The following ZNF330 variants were observed in gnomAD, a reference collection of about 807,000 sequenced individuals.
ZNF330 encodes zinc finger protein 330.
Under a neutral mutation model 45.5 loss-of-function variants are expected in ZNF330, and 31 were observed. That is an observed-to-expected ratio of 0.68 (90% CI 0.51 to 0.92). The LOEUF (loss-of-function observed/expected upper bound fraction) is 0.92. ZNF330 is among the 40% of genes least tolerant of loss of function. ZNF330 has a pLI of 0.00. For missense variants in ZNF330, 356 were observed against 387.4 expected (o/e 0.92, Z 0.68); for synonymous variants, 138 against 123.2 (o/e 1.12, Z -0.79).
At chr4:141,227,329 C>T (rs1355964595) in intron 5 of ZNF330, among the ~76,000 whole-genome samples, 1 of 151,946 alleles carries the variant, frequency 6.6e-6, no homozygotes, top group Non-Finnish European at 1.5e-5. Context: ...TGATGTTCCC[C>T]TTCCTGTGTC....
rs776015471 is a variant in ZNF330 at position 141,226,830 on chromosome 4, C to G, written c.275C>G (p.Thr92Ser). 2 of 1,612,196 alleles carry G rather than the reference C, an allele frequency of 1.2e-6. No individual in the cohort carries two copies. Among genetic ancestry groups the G allele is most frequent in the Non-Finnish European group, 1.7e-6 (2 of 1,178,910 alleles). ...ATAAAGCATGCTGGTGTATACAGTA[C>G]TGGCCTTGCAATGGTGGTAAGCTTC... Reference protein sequence around the residue: ...CVIKHAGVYSTGLAMVGAICD... With the variant: ...CVIKHAGVYSSGLAMVGAICD... Residue 92 changes from threonine (T) to serine (S), a missense_variant, in exon 5 of 10, where the codon ACT (threonine) becomes AGT (serine). Physicochemically the swap from Thr to Ser is moderately conservative, Grantham distance 58. Transcript: ENST00000262990.
intron 8 of ZNF330, among the ~76,000 whole-genome samples, chr4:141,232,189 C>T (rs1435134): frequency 0.32 from 49,028 of 151,900 alleles, 8,974 homozygotes; most frequent in East Asian, 0.61. Flanking sequence ...TCACTGTCTC[C>T]ATCCCTAGTT....
chr4:141,222,322 C>A, intron 1 of ZNF330, 44 bp from the exon 2 acceptor site: 1 of 1,587,554 alleles, frequency 6.3e-7, no homozygotes, highest in Non-Finnish European at 8.6e-7. Context: ...ATAGTAAATG[C>A]AGTCAGTCAA....
intron 6 of ZNF330, 133 bp downstream of exon 6, chr4:141,229,830 GTAGT>G: frequency 8.4e-7 from 1 of 1,194,264 alleles, no homozygotes; most frequent in Non-Finnish European, 1.2e-6. Flanking sequence ...GATTATCAGT[GTAGT>G]TAGAGAAGGG....
chr4:141,223,179 CTG>C (rs1238596818), intron 2 of ZNF330, among the ~76,000 whole-genome samples: 3 of 152,156 alleles, frequency 2.0e-5, no homozygotes, highest in Non-Finnish European at 2.9e-5. Flanking sequence ...ATTTCAGACA[CTG>C]TGGGTAGTGA....
Position 141,231,443 on chromosome 4 carries a change from T to A in ZNF330, c.528T>A (p.Val176=). ...AAATTAATCTATTTCCCACAGGTGT[T>A]TCATGCAATCGGCTTGGTCAGCACT... ...QVLEAETFKC[V]SCNRLGQHSC... Residue 176 remains valine, a synonymous_variant, in exon 8 of 10, where the codon GTT becomes GTA. Transcript: ENST00000262990. The A allele has an allele frequency of 6.3e-7, 1 of 1,597,286 alleles. No homozygotes were observed. The highest frequency in any genetic ancestry group is 8.5e-7 in the Non-Finnish European group (1 of 1,174,022).
rs1448769217 is a variant in ZNF330, at chr4:141,222,402, A to G, written c.31A>G (p.Lys11Glu). 1.9e-6 allele frequency: 3 copies of G among 1,613,670 alleles called. No individual in the cohort carries two copies. ...TAAAAAAAAGACTGGTGCGAGGAAG[A>G]AGGCTGAGAACCGCCGAGAACGTGA... is the stretch of plus-strand genomic sequence containing the variant. MPKKKTGARK[K>E]AENRREREKQ... The change falls in exon 2 of 10, where the codon AAG (lysine) becomes GAG (glutamate). Residue 11 changes from lysine to glutamate, a missense_variant. Transcript: ENST00000262990.
At position 141,233,977 on chromosome 4, in the gene ZNF330, A is replaced by G. The variant is rs1255027786; in HGVS notation, c.951A>G (p.Glu317=). 7 of 1,612,270 alleles carry G rather than the reference A, an allele frequency of 4.3e-6. No individual in the cohort carries two copies. The highest frequency in any genetic ancestry group is 1.7e-4 in the Middle Eastern group (1 of 6,040). Residue 317 remains glutamate (E), a synonymous_variant, in exon 10 of 10, where the codon GAA becomes GAG. Coordinates refer to ENST00000262990, the MANE Select transcript of ZNF330 (RefSeq NM_014487.6). ...CTAGTGGCTATGCTCACTATGAGGA[A>G]CAAGAGAACTAGGGGAGCTGCTCTG... ...TYASGYAHYE[E]QEN is the part of the protein sequence containing the mutation.
At chr4:141,230,472 G>A (rs1728922654) in intron 7 of ZNF330, among the ~76,000 whole-genome samples, 3 of 152,048 alleles carry the variant, frequency 2.0e-5, no homozygotes, top group South Asian at 2.1e-4. Flanking sequence ...GTGGCATATT[G>A]GTTGGGCCAG....
chr4:141,228,458 C>T (rs984761205), intron 5 of ZNF330, among the ~76,000 whole-genome samples: 9 of 152,142 alleles, frequency 5.9e-5, no homozygotes, highest in African/African-American at 1.9e-4. Flanking sequence ...CATCTCACTC[C>T]GTACCAGGTT....
At chr4:141,224,704 T>C (rs746262455) in intron 4 of ZNF330, 27 bp downstream of exon 4, 5 of 1,596,804 alleles carry the variant, frequency 3.1e-6, no homozygotes, top group East Asian at 2.2e-5. Flanking sequence ...TAAGGACATA[T>C]GCTTTTTATC....
Position 141,222,351 on chromosome 4 carries a change from C to A in ZNF330, c.-6-15C>A. 1.2e-6 allele frequency: 2 copies of A among 1,610,034 alleles called. No homozygotes were observed. Among genetic ancestry groups the A allele is most frequent in the South Asian group, 2.2e-5 (2 of 90,628 alleles). On this transcript the variant is annotated splice_polypyrimidine_tract_variant and intron_variant, in intron 1 of 9. Coordinates refer to ENST00000262990, the MANE Select transcript of ZNF330 (RefSeq NM_014487.6). ...CAGTCAATTATATCTTTTCTGTTCT[C>A]TTGTGTCAAAATAGGGGAAAATGCC...
intron 2 of ZNF330, 79 bp downstream of exon 2, chr4:141,222,570 T>G: frequency 2.7e-6 from 4 of 1,470,934 alleles, no homozygotes; most frequent in East Asian, 4.6e-5. Flanking sequence ...GAATAAAATT[T>G]TAGTGAAGAC....
Position 141,230,148 on chromosome 4 carries a change from G to GT in ZNF330, c.419-11dup. On this transcript the variant is annotated splice_polypyrimidine_tract_variant and intron_variant, in intron 6 of 9. Transcript: ENST00000262990. ...TAAAGTTTATCTTAATTACATTTGT[G>GT]TTTTTTTAATCCAATAGGAGGCAGA... is the stretch of plus-strand genomic sequence containing the variant. 14 of 1,527,742 alleles carry GT rather than the reference G, an allele frequency of 9.2e-6. No homozygotes were observed. The highest frequency in any genetic ancestry group is 1.4e-5 in the African/African-American group (1 of 72,242). 94.6% of individuals were successfully genotyped at this position (1,527,742 alleles called of 1,614,324 possible). A position where few individuals can be genotyped will look rare whatever the true frequency, so the allele number is the denominator to read the frequency against.
At chr4:141,225,192 AGTTCTTAAGTCATGTGCCCG>A (rs1295407457) in intron 4 of ZNF330, among the ~76,000 whole-genome samples, 3 of 152,076 alleles carry the variant, frequency 2.0e-5, no homozygotes, top group African/African-American at 4.8e-5. Flanking sequence ...ATTTAAATAG[AGTTCTTAAGTCATGTGCCCG>A]GTTCTTAAGT....
At chr4:141,223,499 C>T (rs1237849878) in intron 2 of ZNF330, among the ~76,000 whole-genome samples, 1 of 152,136 alleles carries the variant, frequency 6.6e-6, no homozygotes, top group Admixed American at 6.5e-5. Context: ...TTACAGGTAG[C>T]TTGCATGTCT....
intron 7 of ZNF330, 124 bp from the exon 8 acceptor site, chr4:141,231,315 C>G (rs894563067): frequency 4.6e-6 from 3 of 658,042 alleles, no homozygotes; most frequent in African/African-American, 3.8e-5. Context: ...GCATTTGAAC[C>G]CAAAAGACAG....
At position 141,222,353 on chromosome 4, in the gene ZNF330, T is replaced by C; in HGVS notation, c.-6-13T>C. 2 of 1,610,666 alleles carry C rather than the reference T, an allele frequency of 1.2e-6. No individual in the cohort carries two copies. The highest frequency in any genetic ancestry group is 1.7e-6 in the Non-Finnish European group (2 of 1,178,704). On this transcript the variant is annotated splice_polypyrimidine_tract_variant and intron_variant, in intron 1 of 9. Coordinates refer to ENST00000262990, the MANE Select transcript of ZNF330 (RefSeq NM_014487.6). Reference sequence around the variant, plus strand: ...GTCAATTATATCTTTTCTGTTCTCTTGTGTCAAAATAGGGGAAAATGCCTA... The same window carrying C: ...GTCAATTATATCTTTTCTGTTCTCTCGTGTCAAAATAGGGGAAAATGCCTA...
At chr4:141,221,318 A>C (rs1386881596) in intron 1 of ZNF330, among the ~76,000 whole-genome samples, 1 of 152,234 alleles carries the variant, frequency 6.6e-6, no homozygotes, top group East Asian at 1.9e-4. Context: ...TGTTACCGGA[A>C]AAGGGCTTGA....
Sources: allele counts gnomAD v4.1 joint callset (sites outside exome capture counted in the v4.1 genomes callset), GRCh38; gene constraint gnomAD v4.1.1; transcripts MANE v1.5; gene names NCBI Gene and HGNC (gene_info 2026-07-23, HGNC 2026-07-21).